Variants in PI4K2A observed in about 807,000 individuals in gnomAD.
The protein encoded by PI4K2A is phosphatidylinositol 4-kinase type 2 alpha.
Under a neutral mutation model 55.0 loss-of-function variants are expected in PI4K2A, and 20 were observed. That is an observed-to-expected ratio of 0.36 (90% confidence interval 0.26 to 0.53). PI4K2A has a LOEUF of 0.53. Ranked by LOEUF, PI4K2A falls within the 20% of genes least tolerant of loss-of-function variation. PI4K2A has a pLI of 0.91. For synonymous variants in PI4K2A, 235 were observed against 258.5 expected, an observed-to-expected ratio of 0.91 and a Z score of 0.87; for missense variants, 463 against 637.1, an observed-to-expected ratio of 0.73 and a Z score of 2.94.
intron 4 of PI4K2A, among the ~76,000 whole-genome samples, chr10:97,658,339 C>T (rs766367862): frequency 1.3e-5 from 2 of 152,190 alleles, no homozygotes; most frequent in Non-Finnish European, 2.9e-5. Flanking sequence ...TCTCAAGGTA[C>T]ATCTATGATG....
At chr10:97,660,300 CT>C (rs368124986) in intron 4 of PI4K2A, among the ~76,000 whole-genome samples, 66 of 118,896 alleles carry the variant, frequency 5.6e-4, no homozygotes, top group Admixed American at 8.9e-4. Context: ...CGCGCCCGGC[CT>C]TTTTTTTTTT....
intron 1 of PI4K2A, among the ~76,000 whole-genome samples, chr10:97,644,713 C>T (rs527720954): frequency 4.6e-5 from 7 of 152,320 alleles, no homozygotes; most frequent in Non-Finnish European, 8.8e-5. Flanking sequence ...TAAGGCACTT[C>T]GTAGAAGTTG....
At chr10:97,646,485 G>C (rs1032525574) in intron 1 of PI4K2A, among the ~76,000 whole-genome samples, 5 of 152,136 alleles carry the variant, frequency 3.3e-5, no homozygotes, top group Non-Finnish European at 5.9e-5. Context: ...CCAAAGTACT[G>C]GGATTACAGG....
chr10:97,665,393 A>C (rs1259813169), intron 6 of PI4K2A, among the ~76,000 whole-genome samples: 1 of 149,148 alleles, frequency 6.7e-6, no homozygotes, highest in African/African-American at 2.5e-5. Flanking sequence ...TCCTGCCTCA[A>C]CCTCCCAAGT....
intron 1 of PI4K2A, 119 bp downstream of exon 1, chr10:97,641,296 AG>A (rs2041467206): frequency 2.8e-6 from 2 of 725,036 alleles, no homozygotes; most frequent in Admixed American, 3.1e-5. Context: ...AGCCCCTGGC[AG>A]GATTTAGGGA....
chr10:97,650,839 T>A (rs1030712183), intron 1 of PI4K2A, 102 bp from the exon 2 acceptor site: 13 of 819,534 alleles, frequency 1.6e-5, no homozygotes, highest in Non-Finnish European at 2.6e-5. Context: ...AGGAATTGTC[T>A]GCCTATGCCC....
intron 2 of PI4K2A, among the ~76,000 whole-genome samples, chr10:97,654,142 C>G (rs1009958288): frequency 6.6e-6 from 1 of 152,210 alleles, no homozygotes; most frequent in African/African-American, 2.4e-5. Flanking sequence ...CTGGCTGTCT[C>G]TGCTCTCTGC....
At chr10:97,640,767 T>C in exon 1 of PI4K2A, 1 of 1,513,288 alleles carries the variant, frequency 6.6e-7, no homozygotes, top group Non-Finnish European at 8.8e-7. Flanking sequence ...CCCACTAGTG[T>C]CCCCCGAGCG....
At chr10:97,666,960 T>TA in intron 7 of PI4K2A, 101 bp from the exon 8 acceptor site, 1 of 841,522 alleles carries the variant, frequency 1.2e-6, no homozygotes, top group Non-Finnish European at 2.0e-6. Flanking sequence ...GCAGAAGCCT[T>TA]ATGCAGGTTT....
intron 4 of PI4K2A, 69 bp downstream of exon 4, chr10:97,657,043 T>A (rs2041558465): frequency 1.3e-6 from 2 of 1,533,896 alleles, no homozygotes; most frequent in Non-Finnish European, 1.8e-6. Context: ...CCTGGAGGCT[T>A]GCAGGGCTTG....
At chr10:97,661,227 G>A (rs1286135093) in intron 4 of PI4K2A, among the ~76,000 whole-genome samples, 4 of 152,026 alleles carry the variant, frequency 2.6e-5, no homozygotes, top group Non-Finnish European at 5.9e-5. Flanking sequence ...TCCTGACCTC[G>A]TGATCCGCCC....
At chr10:97,663,873 G>A (rs1000511743) in intron 5 of PI4K2A, among the ~76,000 whole-genome samples, 1 of 150,726 alleles carries the variant, frequency 6.6e-6, no homozygotes, top group African/African-American at 2.4e-5. Flanking sequence ...CTGTTGCGCA[G>A]GCTGGAGTAC....
chr10:97,656,670 A>G lies in PI4K2A; in HGVS notation c.769-151A>G, dbSNP rs1222981896. The G allele has an allele frequency of 1.3e-6, 1 of 745,542 alleles. No homozygotes were observed. The highest frequency in any genetic ancestry group is 2.3e-6 in the Non-Finnish European group (1 of 433,544). The allele number at this position is 745,542 out of a possible 1,614,324, so 46.2% of individuals were successfully genotyped here. On this transcript the variant is annotated intron_variant, in intron 3 of 8. Transcript: ENST00000370631. This position sits in a 1 kb window ranked among gnomAD's most constrained non-coding sequence, Gnocchi z 4.5. ...CACTGTTACATCTCTTTTCTCCTGT[A>G]CTTGCAAGAAATGAGGAAGTAAAGA...
chr10:97,649,570 C>G (rs965961452), intron 1 of PI4K2A, among the ~76,000 whole-genome samples: 8 of 137,892 alleles, frequency 5.8e-5, no homozygotes, highest in African/African-American at 2.1e-4. Flanking sequence ...ATCTCTTCAT[C>G]ATTGATGAAG....
intron 8 of PI4K2A, 152 bp from the exon 9 acceptor site, chr10:97,673,429 A>G (rs1330604504): frequency 3.5e-6 from 2 of 565,238 alleles, no homozygotes; most frequent in East Asian, 2.9e-5. Flanking sequence ...CTGTTTTGCT[A>G]ATTTTTACTT....
chr10:97,665,039 A>C, intron 6 of PI4K2A, 55 bp downstream of exon 6: 38 of 1,065,712 alleles, frequency 3.6e-5, no homozygotes, highest in Non-Finnish European at 5.4e-5. Flanking sequence ...ATATTTTCTC[A>C]CTGTGCAGTG....
chr10:97,640,838 C>T (rs755903818), exon 1 of PI4K2A: 11 of 1,402,558 alleles, frequency 7.8e-6, no homozygotes, highest in Middle Eastern at 2.7e-4. Context: ...CGCAGGTGCC[C>T]GGGGGCGCGG....
At chr10:97,653,201 C>T (rs796380079) in intron 2 of PI4K2A, among the ~76,000 whole-genome samples, 9 of 152,312 alleles carry the variant, frequency 5.9e-5, no homozygotes, top group African/African-American at 1.7e-4. Context: ...AATAGCAGAC[C>T]GTGTCTGGCT....
At chr10:97,640,826 T>G in exon 1 of PI4K2A, 1 of 1,439,498 alleles carries the variant, frequency 6.9e-7, no homozygotes, top group African/African-American at 1.5e-5. Flanking sequence ...GCGCTCACTT[T>G]CCGCAGGTGC....
Sources: gnomAD v4.1 joint callset for allele counts (sites outside exome capture counted in the v4.1 genomes callset) on GRCh38, gnomAD v4.1.1 for gene constraint, Gnocchi (gnomAD v3.1) non-coding constraint, MANE v1.5 for transcripts, NCBI Gene and HGNC (gene_info 2026-07-23, HGNC 2026-07-21) for gene names.